Variants in SRRM3 observed in about 807,000 individuals in gnomAD.
SRRM3 encodes the protein serine/arginine repetitive matrix protein 3.
SRRM3 carries 27 observed loss-of-function variants against 66.2 expected under a neutral mutation model. The observed-to-expected ratio is 0.41, with a 90% confidence interval of 0.30 to 0.56. SRRM3 has a LOEUF of 0.56. SRRM3 is among the 20% of genes least tolerant of loss of function. SRRM3 has a pLI of 0.32. For missense variants in SRRM3, 918 were observed against 991.9 expected (o/e 0.93, Z 1.00); for synonymous variants, 391 against 414.9 (o/e 0.94, Z 0.70).
intron 1 of SRRM3, among the ~76,000 whole-genome samples, chr7:76,213,036 G>T (rs1800474180): frequency 1.7e-5 from 2 of 115,596 alleles, no homozygotes; most frequent in South Asian, 5.9e-4. Context: ...TTGAGACGGA[G>T]TCTCACTCTG....
chr7:76,225,823 A>G (rs1800852074), intron 1 of SRRM3, among the ~76,000 whole-genome samples: 2 of 152,282 alleles, frequency 1.3e-5, no homozygotes, highest in East Asian at 1.9e-4. Context: ...CAACAAACCT[A>G]TGAGGAAGAT....
chr7:76,244,636 A>G (rs1554605994), intron 2 of SRRM3, among the ~76,000 whole-genome samples: 2 of 151,798 alleles, frequency 1.3e-5, no homozygotes. Flanking sequence ...CTCTGACTCA[A>G]CCGATTGGTC....
At position 76,285,254 on chromosome 7, in the gene SRRM3, G is replaced by T; in HGVS notation, c.1734-361G>T. ...AATGTTTGTATTTTTAGTAGAGACAGGGTTTCATTATGTTGGCCAGACTGG... is the reference window on the plus strand; with the variant it reads ...AATGTTTGTATTTTTAGTAGAGACATGGTTTCATTATGTTGGCCAGACTGG... On this transcript the variant is annotated intron_variant, in intron 14 of 14. Coordinates refer to ENST00000611745, the MANE Select transcript of SRRM3 (RefSeq NM_001110199.3). The surrounding 1 kb of genome is among the most constrained non-coding windows in gnomAD (Gnocchi z 4.1). The T allele has an allele frequency of 4.1e-6, 1 of 242,090 alleles. No individual in the cohort carries two copies. Among genetic ancestry groups the T allele is most frequent in the Non-Finnish European group, 8.2e-6 (1 of 122,092 alleles). The allele number at this position is 242,090 out of a possible 1,614,324, so 15.0% of individuals were successfully genotyped here. A position where few individuals can be genotyped will look rare whatever the true frequency, so the allele number is the denominator to read the frequency against.
rs1046418582 is a variant in SRRM3, at chr7:76,285,296, T to C, written c.1734-319T>C. The stretch of plus-strand genomic sequence containing the variant: ...CCAGACTGGTCTCAAACTTCTGACC[T>C]CAAGTGATCCGCCCGCCTCAGCCTC... On this transcript the variant is annotated intron_variant, in intron 14 of 14. Transcript: ENST00000611745. The surrounding 1 kb of genome is among the most constrained non-coding windows in gnomAD (Gnocchi z 4.1). The C allele has an allele frequency of 6.1e-6, 2 of 329,854 alleles. No homozygotes were observed. The highest frequency in any genetic ancestry group is 4.5e-5 in the Admixed American group (1 of 22,010). The allele number at this position is 329,854 out of a possible 1,614,324, so 20.4% of individuals were successfully genotyped here.
At chr7:76,255,927 C>A (rs1435463431) in intron 3 of SRRM3, among the ~76,000 whole-genome samples, 2 of 152,186 alleles carry the variant, frequency 1.3e-5, no homozygotes, top group Non-Finnish European at 2.9e-5. Flanking sequence ...GCAACGGCCC[C>A]TCTGTTTAAC....
intron 1 of SRRM3, among the ~76,000 whole-genome samples, chr7:76,218,931 T>C (rs1224911905): frequency 3.3e-5 from 5 of 152,152 alleles, no homozygotes; most frequent in African/African-American, 1.2e-4. Context: ...CTTGGCTCAT[T>C]GCCACTTCTG....
chr7:76,278,992 C>T (rs916360719), intron 11 of SRRM3, among the ~76,000 whole-genome samples: 6 of 152,194 alleles, frequency 3.9e-5, no homozygotes, highest in Non-Finnish European at 8.8e-5. Context: ...GTGGCTCTCG[C>T]CTGTAATCCC....
intron 2 of SRRM3, among the ~76,000 whole-genome samples, chr7:76,243,914 C>T (rs1554605887): frequency 6.6e-6 from 1 of 152,196 alleles, no homozygotes; most frequent in African/African-American, 2.4e-5. Context: ...GGTGGGGCAC[C>T]ACCCTTTCTT....
intron 1 of SRRM3, among the ~76,000 whole-genome samples, chr7:76,215,042 C>CAAA (rs11357454): frequency 1.0e-5 from 1 of 96,570 alleles, no homozygotes. Context: ...TATATTCACT[C>CAAA]AAAAAAAAAA....
At chr7:76,216,777 C>G (rs1479018122) in intron 1 of SRRM3, among the ~76,000 whole-genome samples, 1 of 152,160 alleles carries the variant, frequency 6.6e-6, no homozygotes, top group Non-Finnish European at 1.5e-5. Context: ...CTTTTACTGT[C>G]CAATTCTGCA....
intron 1 of SRRM3, among the ~76,000 whole-genome samples, chr7:76,226,775 G>A (rs1324334700): frequency 4.6e-5 from 7 of 151,956 alleles, no homozygotes; most frequent in African/African-American, 1.7e-4. Context: ...ATTTTTAGTA[G>A]AGACAGGATT....
At chr7:76,221,153 G>A (rs1800703374) in intron 1 of SRRM3, among the ~76,000 whole-genome samples, 1 of 151,578 alleles carries the variant, frequency 6.6e-6, no homozygotes, top group African/African-American at 2.4e-5. Context: ...CGCCTCCTGG[G>A]TACAAGCGAT....
intron 1 of SRRM3, among the ~76,000 whole-genome samples, chr7:76,215,449 T>A (rs1375899569): frequency 1.4e-5 from 2 of 141,610 alleles, no homozygotes; most frequent in Non-Finnish European, 3.0e-5. Context: ...TTGCCCAGAA[T>A]GGAGTGCAGT....
At chr7:76,266,369 T>C (rs1554609671) in intron 10 of SRRM3, among the ~76,000 whole-genome samples, 1 of 114,924 alleles carries the variant, frequency 8.7e-6, no homozygotes, top group African/African-American at 3.7e-5. Flanking sequence ...TATATTTTCA[T>C]ATAAATAATA....
intron 1 of SRRM3, among the ~76,000 whole-genome samples, chr7:76,228,292 CT>C (rs1554603914): frequency 6.6e-6 from 1 of 152,184 alleles, no homozygotes; most frequent in Non-Finnish European, 1.5e-5. Flanking sequence ...TCTTGGGGCT[CT>C]GTTTTGCAGA....
chr7:76,285,946 C>A lies in SRRM3; in HGVS notation c.*103C>A. 2 of 1,290,408 alleles carry A rather than the reference C, an allele frequency of 1.5e-6. No individual in the cohort carries two copies. Among genetic ancestry groups the A allele is most frequent in the Non-Finnish European group, 2.1e-6 (2 of 948,434 alleles). 79.9% of individuals were successfully genotyped at this position (1,290,408 alleles called of 1,614,324 possible). A position where few individuals can be genotyped will look rare whatever the true frequency, so the allele number is the denominator to read the frequency against. ...GGGCTATATCTCCTTGCCCCCAAGG[C>A]TACAAAGAGGTCTCAGGGCCAGTGC... On this transcript the variant is annotated 3_prime_UTR_variant, in exon 15 of 15. Transcript: ENST00000611745. This position sits in a 1 kb window ranked among gnomAD's most constrained non-coding sequence, Gnocchi z 4.1.
chr7:76,281,823 G>A, intron 12 of SRRM3, 21 bp downstream of exon 12: 1 of 1,335,994 alleles, frequency 7.5e-7, no homozygotes, highest in Non-Finnish European at 9.6e-7. Flanking sequence ...TGGACCCGGA[G>A]CTGGACTCCC....
chr7:76,245,978 G>A (rs1801431184), intron 2 of SRRM3, among the ~76,000 whole-genome samples: 1 of 152,044 alleles, frequency 6.6e-6, no homozygotes. Flanking sequence ...GATTACAGAT[G>A]TGAGCCACTG....
At chr7:76,264,640 C>A in intron 8 of SRRM3, 125 bp from the exon 9 acceptor site, 1 of 952,704 alleles carries the variant, frequency 1.0e-6, no homozygotes, top group Non-Finnish European at 1.6e-6. Flanking sequence ...TCCCCGCCAG[C>A]CATGGGGCTT....
Sources: allele counts gnomAD v4.1 joint callset (sites outside exome capture counted in the v4.1 genomes callset), GRCh38; gene constraint gnomAD v4.1.1; non-coding constraint Gnocchi (gnomAD v3.1); transcripts MANE v1.5; gene names NCBI Gene and HGNC (gene_info 2026-07-23, HGNC 2026-07-21).